Variants in ADAMTSL1 observed in about 807,000 individuals in gnomAD.
ADAMTSL1 encodes the protein ADAMTS-like protein 1.
ADAMTSL1 carries 126 observed loss-of-function variants against 201.8 expected under a neutral mutation model. The ratio of observed to expected loss-of-function variants is 0.62; its 90% CI spans 0.54 to 0.72. The LOEUF (loss-of-function observed/expected upper bound fraction) is 0.72. ADAMTSL1 is among the 30% of genes least tolerant of loss of function. The pLI, the probability that ADAMTSL1 is intolerant of heterozygous loss-of-function variation, is 0.00. For missense variants in ADAMTSL1, 2,679 were observed against 2,277.8 expected (o/e 1.18, Z -3.59); for synonymous variants, 1,121 against 903.4 (o/e 1.24, Z -4.32).
chr9:17,993,460 T>TTA (rs1362070271), intron 1 of ADAMTSL1, among the ~76,000 whole-genome samples: 1 of 84,478 alleles, frequency 1.2e-5, no homozygotes, highest in African/African-American at 9.9e-5. Context: ...CTGTCGTAGT[T>TTA]TACAGTTCTA....
chr9:18,664,556 A>G (rs1299004687), intron 9 of ADAMTSL1, among the ~76,000 whole-genome samples: 1 of 152,098 alleles, frequency 6.6e-6, no homozygotes, highest in Non-Finnish European at 1.5e-5. Context: ...AGCCACTGAG[A>G]TATTTATTCA....
intron 2 of ADAMTSL1, among the ~76,000 whole-genome samples, chr9:18,381,468 C>G (rs1214514949): frequency 6.6e-6 from 1 of 152,098 alleles, no homozygotes; most frequent in African/African-American, 2.4e-5. Flanking sequence ...GGTTCTTGCC[C>G]AAGGCATTAT....
chr9:18,470,122 T>C (rs538112342), upstream of ADAMTSL1, among the ~76,000 whole-genome samples: 1 of 152,294 alleles, frequency 6.6e-6, no homozygotes, highest in African/African-American at 2.4e-5. Flanking sequence ...CAGCCTTTGA[T>C]AGAGCCCCAA....
intron 2 of ADAMTSL1, among the ~76,000 whole-genome samples, chr9:18,449,459 G>A (rs1386651479): frequency 6.6e-6 from 1 of 151,868 alleles, no homozygotes; most frequent in Non-Finnish European, 1.5e-5. Flanking sequence ...ATATCTGTTG[G>A]TTTTTCTCTT....
chr9:18,026,512 T>C (rs573286133), intron 1 of ADAMTSL1, among the ~76,000 whole-genome samples: 5 of 152,248 alleles, frequency 3.3e-5, no homozygotes, highest in Admixed American at 1.3e-4. Flanking sequence ...ATCACATTTA[T>C]TGATTCATGT....
chr9:18,546,112 T>A lies in ADAMTSL1; in HGVS notation c.237+12820T>A, dbSNP rs576734749. 1.9e-4 allele frequency among the ~76,000 whole-genome samples: 29 copies of A among 152,306 alleles called. No individual in the cohort carries two copies. The East Asian group carries it at 5.4e-3, about 28-fold the overall frequency. ...ATGTTTTCCTTTGCATTTTAAACAT[T>A]CTCTTTCTTTTAAGAGGAAATTGTG... On this transcript the variant is annotated intron_variant, in intron 3 of 28. Coordinates refer to ENST00000380548, the MANE Select transcript of ADAMTSL1 (RefSeq NM_001040272.6).
intron 1 of ADAMTSL1, among the ~76,000 whole-genome samples, chr9:18,133,903 A>G (rs1211559844): frequency 6.6e-6 from 1 of 152,146 alleles, no homozygotes; most frequent in Non-Finnish European, 1.5e-5. Context: ...ATTACATCTC[A>G]TTAGACCTCA....
In ADAMTSL1 at chr9:18,635,505, A is replaced by G. The variant is rs1275727017; in HGVS notation, c.602-438A>G. Among the ~76,000 whole-genome samples the G allele has an allele frequency of 1.2e-4, 19 of 152,268 alleles. No individual in the cohort carries two copies. The East Asian group carries it at 2.3e-3, about 19-fold the overall frequency. On this transcript the variant is annotated intron_variant, in intron 5 of 28. Transcript: ENST00000380548. Reference sequence around the variant, plus strand: ...CCTGGGGTGTTCAGCGCATACCAATATATCTTCCACTTCTCTTACCTGTTC... The same window carrying G: ...CCTGGGGTGTTCAGCGCATACCAATGTATCTTCCACTTCTCTTACCTGTTC...
At chr9:18,524,576 T>C (rs527512528) in intron 2 of ADAMTSL1, among the ~76,000 whole-genome samples, 30 of 152,294 alleles carry the variant, frequency 2.0e-4, no homozygotes, top group African/African-American at 6.3e-4. Context: ...TGGCTGTGGG[T>C]TTGTCATAAA....
chr9:18,027,442 T>G (rs927071531), intron 1 of ADAMTSL1, among the ~76,000 whole-genome samples: 1 of 151,962 alleles, frequency 6.6e-6, no homozygotes, highest in Non-Finnish European at 1.5e-5. Context: ...ATTTTTTTTT[T>G]TTTATTTCTG....
chr9:18,244,460 A>C (rs1303474129), intron 2 of ADAMTSL1, among the ~76,000 whole-genome samples: 1 of 151,816 alleles, frequency 6.6e-6, no homozygotes, highest in Non-Finnish European at 1.5e-5. Flanking sequence ...TTCATCCCAC[A>C]CCCCATGTAC....
At chr9:18,603,384 T>TGCTAC (rs1824793105) in intron 4 of ADAMTSL1, among the ~76,000 whole-genome samples, 1 of 151,844 alleles carries the variant, frequency 6.6e-6, no homozygotes, top group African/African-American at 2.4e-5. Context: ...TGCTATGCTA[T>TGCTAC]GCTATGCTAT....
chr9:18,471,117 A>C (rs1821192156), upstream of ADAMTSL1, among the ~76,000 whole-genome samples: 1 of 152,214 alleles, frequency 6.6e-6, no homozygotes, highest in African/African-American at 2.4e-5. Context: ...TGAGAAAGTC[A>C]AGACACATAG....
intron 1 of ADAMTSL1, among the ~76,000 whole-genome samples, chr9:17,982,538 A>G (rs1291054096): frequency 6.6e-6 from 1 of 152,062 alleles, no homozygotes; most frequent in Non-Finnish European, 1.5e-5. Context: ...CTTGAACCCA[A>G]GAGGTGGAAG....
intron 23 of ADAMTSL1, among the ~76,000 whole-genome samples, chr9:18,848,221 A>G (rs926130863): frequency 3.3e-5 from 5 of 152,220 alleles, no homozygotes; most frequent in Admixed American, 1.3e-4. Context: ...TTAGAAAAAA[A>G]TATTCCAACA....
intron 2 of ADAMTSL1, among the ~76,000 whole-genome samples, chr9:18,405,763 C>G (rs1011763235): frequency 1.3e-5 from 2 of 151,890 alleles, no homozygotes; most frequent in Non-Finnish European, 2.9e-5. Flanking sequence ...ATATAGAAGA[C>G]CTTTAAAAAG....
chr9:18,173,566 A>G (rs1034247014), intron 2 of ADAMTSL1, among the ~76,000 whole-genome samples: 2 of 152,102 alleles, frequency 1.3e-5, no homozygotes, highest in Admixed American at 1.3e-4. Context: ...TCTTTTATTT[A>G]TGAGATGTCC....
At chr9:18,753,720 C>T (rs186219501) in intron 16 of ADAMTSL1, among the ~76,000 whole-genome samples, 3 of 152,262 alleles carry the variant, frequency 2.0e-5, no homozygotes, top group Admixed American at 2.0e-4. Context: ...ACCCCAGTGA[C>T]CTCCAAAAGC....
At position 18,191,823 on chromosome 9, in the gene ADAMTSL1, C is replaced by T. The variant is rs113701185; in HGVS notation, c.207+27842C>T. 1.2e-3 allele frequency among the ~76,000 whole-genome samples: 184 copies of T among 152,174 alleles called. 1 individual carries two copies. Among genetic ancestry groups the T allele is most frequent in the African/African-American group, 3.3e-3 (139 of 41,514 alleles). ...TATTTCTCAAAATATTTTGTTATGC[C>T]CATATTCTCTCTCCATTTCATGAAG... On this transcript the variant is annotated intron_variant, in intron 2 of 29. Coordinates refer to the ADAMTSL1 transcript ENST00000680146.
Sources: gnomAD v4.1 joint callset for allele counts (sites outside exome capture counted in the v4.1 genomes callset) on GRCh38, gnomAD v4.1.1 for gene constraint, MANE v1.5 for transcripts, NCBI Gene and HGNC (gene_info 2026-07-23, HGNC 2026-07-21) for gene names.